The following WDPCP variants were observed in gnomAD, a reference collection of about 807,000 sequenced individuals.
WDPCP encodes WD repeat containing planar cell polarity effector, also known as WD repeat-containing and planar cell polarity effector protein fritz homolog.
WDPCP carries 71 observed loss-of-function variants against 93.1 expected under a neutral mutation model. The ratio of observed to expected loss-of-function variants is 0.76; its 90% CI spans 0.63 to 0.93. The LOEUF (loss-of-function observed/expected upper bound fraction) is 0.93, where lower values mean the gene tolerates loss of function less well. Ranked by LOEUF, WDPCP falls within the 40% of genes least tolerant of loss-of-function variation. The pLI is 0.00. For missense variants in WDPCP, 844 were observed against 887.4 expected (o/e 0.95, Z 0.62); for synonymous variants, 315 against 315.0 (o/e 1.00, Z 0.00).
chr2:63,568,790 G>A (rs1380371640), intron 1 of WDPCP, among the ~76,000 whole-genome samples: 3 of 152,186 alleles, frequency 2.0e-5, no homozygotes, highest in Non-Finnish European at 4.4e-5. Context: ...TTCAAATAAG[G>A]AAGAGAAACA....
At chr2:63,233,483 C>T (rs879184819) in intron 14 of WDPCP, 1 of 175,732 alleles carries the variant, frequency 5.7e-6, no homozygotes, top group Middle Eastern at 2.7e-3. Flanking sequence ...CCTACTTGAT[C>T]CACATTCTTT....
At chr2:63,535,396 T>C (rs1021670249) in intron 1 of WDPCP, among the ~76,000 whole-genome samples, 28 of 152,326 alleles carry the variant, frequency 1.8e-4, no homozygotes, top group African/African-American at 6.7e-4. Flanking sequence ...AGACCCGGCA[T>C]TGCCAAGACA....
chr2:63,221,043 T>C (rs1410078252), intron 14 of WDPCP, among the ~76,000 whole-genome samples: 1 of 152,250 alleles, frequency 6.6e-6, no homozygotes, highest in Non-Finnish European at 1.5e-5. Context: ...CTATTCTTTT[T>C]ATGGCTGTAT....
At chr2:63,651,828 C>A (rs1710112975) in intron 2 of WDPCP, among the ~76,000 whole-genome samples, 1 of 152,196 alleles carries the variant, frequency 6.6e-6, no homozygotes, top group Non-Finnish European at 1.5e-5. Flanking sequence ...CTACCCATCA[C>A]AACTTCTCAT....
At chr2:63,290,034 TA>T (rs151042826) in intron 13 of WDPCP, among the ~76,000 whole-genome samples, 20 of 149,322 alleles carry the variant, frequency 1.3e-4, no homozygotes, top group South Asian at 4.2e-4. Context: ...TCTCTGACTT[TA>T]AAAAAAAAAA....
chr2:63,811,644 G>C (rs1670864318), intron 2 of WDPCP, among the ~76,000 whole-genome samples: 1 of 149,806 alleles, frequency 6.7e-6, no homozygotes, highest in South Asian at 2.1e-4. Flanking sequence ...GAGTACATGT[G>C]CAGGTATGTT....
At chr2:63,482,656 A>C (rs987309559) in intron 6 of WDPCP, among the ~76,000 whole-genome samples, 1 of 151,996 alleles carries the variant, frequency 6.6e-6, no homozygotes, top group African/African-American at 2.4e-5. Flanking sequence ...AAACTGAAGA[A>C]GTGAAGGGAT....
intron 9 of WDPCP, among the ~76,000 whole-genome samples, chr2:63,411,139 T>C (rs533788909): frequency 7.0e-4 from 107 of 152,204 alleles, no homozygotes; most frequent in Non-Finnish European, 1.3e-3. Flanking sequence ...TGATAGTCCA[T>C]AAAATGAACC....
At chr2:63,267,728 A>C (rs578121549) in intron 13 of WDPCP, among the ~76,000 whole-genome samples, 3 of 152,128 alleles carry the variant, frequency 2.0e-5, no homozygotes, top group African/African-American at 7.2e-5. Flanking sequence ...AAAACACTCA[A>C]CATCTCTAAT....
At chr2:63,572,288 T>C (rs746130884) in intron 1 of WDPCP, among the ~76,000 whole-genome samples, 1 of 152,218 alleles carries the variant, frequency 6.6e-6, no homozygotes, top group Admixed American at 6.5e-5. Flanking sequence ...AACTATCTGA[T>C]TGGCTCAGTC....
At chr2:63,751,750 G>T in intron 2 of WDPCP, 1 of 576,606 alleles carries the variant, frequency 1.7e-6, no homozygotes, top group South Asian at 1.5e-5. Context: ...TAGTCACCTT[G>T]GTTTTGTGGT....
chr2:63,397,885 G>C (rs1426615019), intron 10 of WDPCP, among the ~76,000 whole-genome samples: 1 of 152,158 alleles, frequency 6.6e-6, no homozygotes, highest in Non-Finnish European at 1.5e-5. Context: ...GTGAATATTA[G>C]ATCAGCAACA....
At chr2:63,384,958 A>C (rs1692611790) in intron 10 of WDPCP, among the ~76,000 whole-genome samples, 1 of 152,110 alleles carries the variant, frequency 6.6e-6, no homozygotes, top group African/African-American at 2.4e-5. Flanking sequence ...GCAATATATT[A>C]AAAAGATAAT....
chr2:63,313,886 A>ATATTTT lies in WDPCP; in HGVS notation c.1749-576_1749-575insAAAATA. Reference sequence around the variant, plus strand: ...TATATATATATATATATATATATATATTTTTTTTTTTTTGGAGATGGAGTC... The same window carrying ATATTTT: ...TATATATATATATATATATATATATATATTTTTTTTTTTTTTTTTGGAGATGGAGTC... On this transcript the variant is annotated intron_variant, in intron 12 of 17. Transcript: ENST00000272321. 4.7e-3 allele frequency among the ~76,000 whole-genome samples: 353 copies of ATATTTT among 74,444 alleles called. 8 individuals are homozygous for ATATTTT. The highest frequency in any genetic ancestry group is 0.016 in the African/African-American group (319 of 19,408). The allele number at this position is 74,444 out of a possible 152,430, so 48.8% of individuals were successfully genotyped here.
In WDPCP at chr2:63,204,665, T is replaced by G. The variant is rs189867454; in HGVS notation, c.1916-29833A>C. Among the ~76,000 whole-genome samples the G allele has an allele frequency of 2.0e-5, 3 of 152,298 alleles. No individual in the cohort carries two copies. The East Asian group carries it at 5.8e-4, about 29-fold the overall frequency. ...CCTGTACTTTTGAGAAATGTCTATT[T>G]AAATCTTTAGCTCATTTTTAAATAG... On this transcript the variant is annotated intron_variant, in intron 14 of 17. Coordinates refer to ENST00000272321, the MANE Select transcript of WDPCP (RefSeq NM_015910.7).
chr2:63,318,904 C>A (rs1050110905), intron 12 of WDPCP, among the ~76,000 whole-genome samples: 1 of 151,990 alleles, frequency 6.6e-6, no homozygotes, highest in Non-Finnish European at 1.5e-5. Flanking sequence ...AACAAACCGG[C>A]TGATGTACCC....
intron 12 of WDPCP, among the ~76,000 whole-genome samples, chr2:63,325,984 A>C (rs1344168945): frequency 6.6e-6 from 1 of 152,196 alleles, no homozygotes; most frequent in African/African-American, 2.4e-5. Flanking sequence ...GTAGTAGCAA[A>C]AGGTTGACCT....
At chr2:63,388,451 C>G (rs1041606691) in intron 10 of WDPCP, among the ~76,000 whole-genome samples, 1 of 152,144 alleles carries the variant, frequency 6.6e-6, no homozygotes, top group Non-Finnish European at 1.5e-5. Context: ...GAAATCAGAA[C>G]AGAAAAGCTG....
intron 10 of WDPCP, among the ~76,000 whole-genome samples, chr2:63,397,638 G>A (rs1399575156): frequency 6.6e-6 from 1 of 152,160 alleles, no homozygotes; most frequent in East Asian, 1.9e-4. Flanking sequence ...AAGGCTGTTT[G>A]ATGAGGGTTC....
Sources: allele counts gnomAD v4.1 joint callset (sites outside exome capture counted in the v4.1 genomes callset), GRCh38; gene constraint gnomAD v4.1.1; transcripts MANE v1.5; gene names NCBI Gene and HGNC (gene_info 2026-07-23, HGNC 2026-07-21).